Variants in DTWD2 observed in about 807,000 individuals in gnomAD.
DTWD2 encodes the protein DTW motif tRNA-uridine aminocarboxypropyltransferase 2, also known as tRNA-uridine aminocarboxypropyltransferase 2.
A neutral mutation model predicts 31.8 loss-of-function variants in DTWD2; 39 were observed. That is an observed-to-expected ratio of 1.22 (90% CI 0.95 to 1.60). DTWD2 has a LOEUF of 1.60. DTWD2 is among the 40% of genes most tolerant of loss of function. The pLI is 0.00. For missense variants in DTWD2, 515 were observed against 381.5 expected, an observed-to-expected ratio of 1.35 and a Z score of -2.92; for synonymous variants, 180 against 142.8, an observed-to-expected ratio of 1.26 and a Z score of -1.86.
At chr5:118,887,192 G>C (rs1752886157) in intron 4 of DTWD2, among the ~76,000 whole-genome samples, 1 of 151,978 alleles carries the variant, frequency 6.6e-6, no homozygotes, top group Non-Finnish European at 1.5e-5. Context: ...CTTGCTAGGG[G>C]GTCTTTTAAT....
At chr5:118,953,016 T>C (rs2149589630) in intron 1 of DTWD2, among the ~76,000 whole-genome samples, 1 of 152,316 alleles carries the variant, frequency 6.6e-6, no homozygotes, top group African/African-American at 2.4e-5. Context: ...AGAGCAGAGT[T>C]TTCATTTAAT....
At chr5:118,947,054 C>T (rs1051908414) in intron 1 of DTWD2, among the ~76,000 whole-genome samples, 1 of 152,142 alleles carries the variant, frequency 6.6e-6, no homozygotes, top group African/African-American at 2.4e-5. Context: ...AGCATCATGA[C>T]AGGAGTGCCT....
chr5:118,984,034 C>T (rs545248365), intron 1 of DTWD2, among the ~76,000 whole-genome samples: 1 of 152,346 alleles, frequency 6.6e-6, no homozygotes, highest in East Asian at 1.9e-4. Flanking sequence ...CGCCTGTAAT[C>T]CCAGCACTTT....
intron 4 of DTWD2, among the ~76,000 whole-genome samples, chr5:118,874,841 C>A (rs1212099253): frequency 6.6e-6 from 1 of 152,052 alleles, no homozygotes; most frequent in East Asian, 1.9e-4. Flanking sequence ...GGCCAACATT[C>A]AAATTCCAGA....
chr5:118,951,237 AT>A (rs756755462), intron 1 of DTWD2, among the ~76,000 whole-genome samples: 33 of 152,120 alleles, frequency 2.2e-4, no homozygotes, highest in Non-Finnish European at 4.1e-4. Flanking sequence ...TGATAGAAGG[AT>A]TATAGGGTGG....
In DTWD2 at chr5:118,913,083, T is replaced by C. The variant is rs59619770; in HGVS notation, c.597+15454A>G. ...CGTTCCATTATTGGGATGCTAAGCATGTGGAAGTTATTTATATCCTACTGC... is the reference window on the plus strand; with the variant it reads ...CGTTCCATTATTGGGATGCTAAGCACGTGGAAGTTATTTATATCCTACTGC... On this transcript the variant is annotated intron_variant, in intron 4 of 5. Transcript: ENST00000510708. 9.2e-3 allele frequency among the ~76,000 whole-genome samples: 1,397 copies of C among 152,260 alleles called. 21 individuals carry two copies. The highest frequency in any genetic ancestry group is 0.032 in the African/African-American group (1,345 of 41,550).
In DTWD2 at chr5:118,932,638, T is replaced by G. The variant is rs955943439; in HGVS notation, c.405-3909A>C. Among the ~76,000 whole-genome samples the G allele has an allele frequency of 7.2e-5, 11 of 152,070 alleles. No homozygotes were observed. In the East Asian group the frequency reaches 2.1e-3, roughly 29 times the overall value. On this transcript the variant is annotated intron_variant, in intron 3 of 5. Transcript: ENST00000510708. ...GGTCCCTATTCTAATCTAACTGGTA[T>G]GATTATAAGAAGAGGAAATTTGGAC...
At chr5:118,956,343 C>T (rs1754587294) in intron 1 of DTWD2, among the ~76,000 whole-genome samples, 1 of 152,198 alleles carries the variant, frequency 6.6e-6, no homozygotes, top group African/African-American at 2.4e-5. Flanking sequence ...ACCTTCAAAT[C>T]ATTTCCCCAA....
At chr5:118,868,924 C>G (rs115402631) in intron 4 of DTWD2, among the ~76,000 whole-genome samples, 1 of 150,266 alleles carries the variant, frequency 6.7e-6, no homozygotes, top group Non-Finnish European at 1.5e-5. Context: ...GAGAACATTA[C>G]GCTAAGCAAA....
intron 4 of DTWD2, among the ~76,000 whole-genome samples, chr5:118,858,437 A>T (rs1752187517): frequency 6.6e-6 from 1 of 152,186 alleles, no homozygotes; most frequent in Non-Finnish European, 1.5e-5. Context: ...CTCTCAGGAG[A>T]AAAGTGTGAT....
intron 1 of DTWD2, among the ~76,000 whole-genome samples, chr5:118,962,593 T>C (rs1754731830): frequency 6.6e-6 from 1 of 152,032 alleles, no homozygotes; most frequent in South Asian, 2.1e-4. Flanking sequence ...AGTAATGATA[T>C]TTCATGGAGA....
intron 4 of DTWD2, among the ~76,000 whole-genome samples, chr5:118,917,114 T>A (rs1753596098): frequency 6.6e-6 from 1 of 152,228 alleles, no homozygotes; most frequent in Non-Finnish European, 1.5e-5. Context: ...GCTTATAATT[T>A]GACTACCAAA....
At chr5:118,952,688 A>G (rs1754493254) in intron 1 of DTWD2, among the ~76,000 whole-genome samples, 1 of 152,186 alleles carries the variant, frequency 6.6e-6, no homozygotes, top group Non-Finnish European at 1.5e-5. Flanking sequence ...CCAAAAGTCT[A>G]TTTAAAAGTT....
intron 4 of DTWD2, among the ~76,000 whole-genome samples, chr5:118,854,853 G>A (rs907795081): frequency 6.6e-6 from 1 of 152,114 alleles, no homozygotes; most frequent in South Asian, 2.1e-4. Flanking sequence ...ATTAATCATA[G>A]AAATATGGTT....
chr5:118,859,282 G>A (rs959362530), intron 4 of DTWD2, among the ~76,000 whole-genome samples: 6 of 150,716 alleles, frequency 4.0e-5, no homozygotes, highest in Admixed American at 1.3e-4. Context: ...GATAAATAAA[G>A]AGAAAGAATC....
intron 4 of DTWD2, among the ~76,000 whole-genome samples, chr5:118,917,742 T>G (rs905207326): frequency 6.6e-6 from 1 of 151,960 alleles, no homozygotes; most frequent in Admixed American, 6.5e-5. Context: ...GAGGCTGAGG[T>G]GGGTGGATCA....
At chr5:118,884,695 A>G (rs566324632) in intron 4 of DTWD2, among the ~76,000 whole-genome samples, 1 of 152,322 alleles carries the variant, frequency 6.6e-6, no homozygotes, top group South Asian at 2.1e-4. Flanking sequence ...CGGATGGTCA[A>G]AATAAGCTTT....
intron 3 of DTWD2, among the ~76,000 whole-genome samples, chr5:118,931,398 T>TTA (rs775043080): frequency 3.6e-5 from 4 of 109,782 alleles, no homozygotes; most frequent in African/African-American, 1.0e-4. Flanking sequence ...GACCTTGTCT[T>TTA]AAAAAAAAAA....
At chr5:118,844,136 T>C (rs1161254871) in intron 5 of DTWD2, among the ~76,000 whole-genome samples, 2 of 152,218 alleles carry the variant, frequency 1.3e-5, no homozygotes, top group African/African-American at 2.4e-5. Context: ...ACTTTTGTCA[T>C]CTTATCTGAT....
Sources: allele counts gnomAD v4.1 joint callset (sites outside exome capture counted in the v4.1 genomes callset), GRCh38; gene constraint gnomAD v4.1.1; transcripts MANE v1.5; gene names NCBI Gene and HGNC (gene_info 2026-07-23, HGNC 2026-07-21).